The following PLEKHG1 variants were observed in gnomAD, a reference collection of about 807,000 sequenced individuals.
PLEKHG1 encodes pleckstrin homology domain-containing family G member 1.
In PLEKHG1, 44 loss-of-function variants were observed where a neutral mutation model predicts 100.8. That is an observed-to-expected ratio of 0.44 (90% CI 0.34 to 0.56). The LOEUF (loss-of-function observed/expected upper bound fraction) is 0.56. Ranked by LOEUF, PLEKHG1 falls within the 20% of genes least tolerant of loss-of-function variation. The pLI is 0.01. For missense variants in PLEKHG1, 1,545 were observed against 1,720.9 expected (o/e 0.90, Z 1.81); for synonymous variants, 640 against 662.5 (o/e 0.97, Z 0.52).
chr6:150,773,982 C>G (rs1185520274), intron 3 of PLEKHG1, among the ~76,000 whole-genome samples: 1 of 152,058 alleles, frequency 6.6e-6, no homozygotes, highest in Non-Finnish European at 1.5e-5. Context: ...TGGACTAGAA[C>G]ATTTTCTCTA....
chr6:150,692,901 T>TAGCATAAGCAAAGGCAC (rs1780396839), intron 3 of PLEKHG1, among the ~76,000 whole-genome samples: 1 of 152,202 alleles, frequency 6.6e-6, no homozygotes, highest in African/African-American at 2.4e-5. Context: ...GGGCAGGCGT[T>TAGCATAAGCAAAGGCAC]AGCATAAGCA....
chr6:150,769,348 G>A (rs541567692), intron 3 of PLEKHG1, among the ~76,000 whole-genome samples: 1 of 152,036 alleles, frequency 6.6e-6, no homozygotes. Flanking sequence ...TTGGTAGGCC[G>A]AGGTGGACAG....
At chr6:150,716,035 G>A (rs1011466992) in intron 3 of PLEKHG1, among the ~76,000 whole-genome samples, 1 of 149,352 alleles carries the variant, frequency 6.7e-6, no homozygotes, top group East Asian at 2.0e-4. Flanking sequence ...GTGAACCCGG[G>A]AGGCGGAGCT....
intron 2 of PLEKHG1, among the ~76,000 whole-genome samples, chr6:150,767,389 T>C (rs992810133): frequency 2.6e-5 from 4 of 152,210 alleles, no homozygotes; most frequent in Non-Finnish European, 5.9e-5. Flanking sequence ...AGAAAAGTTG[T>C]TACCACAAAG....
chr6:150,810,425 A>AATTTTGT (rs983783780), intron 10 of PLEKHG1, among the ~76,000 whole-genome samples: 4 of 151,280 alleles, frequency 2.6e-5, no homozygotes, highest in Non-Finnish European at 4.4e-5. Flanking sequence ...CACCTGGCTA[A>AATTTTGT]ATTTTGTATT....
At chr6:150,716,091 G>A (rs1346663918), upstream of PLEKHG1, among the ~76,000 whole-genome samples, 5 of 122,064 alleles carry the variant, frequency 4.1e-5, no homozygotes, top group African/African-American at 9.5e-5. Flanking sequence ...CTGGGCGACA[G>A]AGCGAGACTC....
At position 150,831,705 on chromosome 6, in the gene PLEKHG1, A is replaced by G; in HGVS notation, c.2594A>G (p.Lys865Arg). ...CTCCTGGCAGCGTTTCCTGTGAGCA[A>G]GGATGATGTGCCAGACAGGCTGCAC... Residue 865 changes from lysine to arginine, a missense_variant, in exon 15 of 16, where the codon AAG (lysine) becomes AGG (arginine). By Grantham distance (26) the Lys-to-Arg change is conservative. Coordinates refer to ENST00000358517, the Ensembl canonical transcript of PLEKHG1. The surrounding 1 kb of genome is among the most constrained non-coding windows in gnomAD (Gnocchi z 4.1). 1 of 1,613,242 alleles carries G rather than the reference A, an allele frequency of 6.2e-7. No homozygotes were observed. Among genetic ancestry groups the G allele is most frequent in the Non-Finnish European group, 8.5e-7 (1 of 1,180,038 alleles).
chr6:150,661,747 T>C (rs1049529849), intron 3 of PLEKHG1, among the ~76,000 whole-genome samples: 25 of 152,336 alleles, frequency 1.6e-4, no homozygotes, highest in African/African-American at 5.5e-4. Flanking sequence ...TGTGAAACTA[T>C]AGTGATATGG....
At chr6:150,832,060 C>T (rs1476756586) in exon 15 of PLEKHG1, 1 of 1,614,130 alleles carries the variant, frequency 6.2e-7, no homozygotes, top group Non-Finnish European at 8.5e-7. Flanking sequence ...CTCGGCAGTA[C>T]AGTCAGAAGA....
intron 3 of PLEKHG1, among the ~76,000 whole-genome samples, chr6:150,703,085 A>G (rs1780864150): frequency 1.3e-5 from 2 of 152,176 alleles, no homozygotes; most frequent in South Asian, 4.1e-4. Flanking sequence ...AAAATGGCCA[A>G]GGTACTTGGA....
intron 10 of PLEKHG1, among the ~76,000 whole-genome samples, chr6:150,813,247 T>G (rs541641694): frequency 3.9e-4 from 59 of 150,216 alleles, no homozygotes; most frequent in Admixed American, 6.0e-4. Flanking sequence ...GGAGCTTGCA[T>G]TGAGCCGAGA....
At chr6:150,842,024 GCTGA>G (rs1387665923) in exon 16 of PLEKHG1, 2 of 152,140 alleles carry the variant, frequency 1.3e-5, no homozygotes, top group Non-Finnish European at 2.9e-5. Flanking sequence ...GTTACTAGGT[GCTGA>G]CTAATAAATA....
At chr6:150,636,392 A>C (rs1290817765) in intron 1 of PLEKHG1, among the ~76,000 whole-genome samples, 1 of 152,142 alleles carries the variant, frequency 6.6e-6, no homozygotes, top group Non-Finnish European at 1.5e-5. Flanking sequence ...GACGTGGATG[A>C]ACTCTGGTTT....
intron 7 of PLEKHG1, among the ~76,000 whole-genome samples, chr6:150,807,702 C>T (rs544155757): frequency 9.9e-5 from 15 of 152,180 alleles, no homozygotes; most frequent in Admixed American, 2.0e-4. Flanking sequence ...GGCCAGGCGC[C>T]GGGGCTCACA....
In PLEKHG1 at chr6:150,755,439, T is replaced by TA. The variant is rs1783781576; in HGVS notation, c.412-13198dup. Among the ~76,000 whole-genome samples, 3 of 152,294 alleles carry TA rather than the reference T, an allele frequency of 2.0e-5. No individual in the cohort carries two copies. The South Asian group carries it at 6.2e-4, about 32-fold the overall frequency. ...GGGGGGATAATTCTTTATTATGATTTATCAGCATATAGAGTTCATTTACTT... is the reference window on the plus strand; with the variant it reads ...GGGGGGATAATTCTTTATTATGATTTAATCAGCATATAGAGTTCATTTACTT... On this transcript the variant is annotated intron_variant, in intron 2 of 15. Coordinates refer to ENST00000358517, the Ensembl canonical transcript of PLEKHG1.
chr6:150,786,048 C>T (rs1456558973), intron 3 of PLEKHG1, among the ~76,000 whole-genome samples: 1 of 151,738 alleles, frequency 6.6e-6, no homozygotes, highest in African/African-American at 2.4e-5. Context: ...GTTCCTAGTA[C>T]AGGTACACTG....
chr6:150,710,495 A>G (rs1781204787), intron 3 of PLEKHG1, among the ~76,000 whole-genome samples: 1 of 152,164 alleles, frequency 6.6e-6, no homozygotes, highest in Non-Finnish European at 1.5e-5. Context: ...GTTACCGCCC[A>G]AGCAGCTCTG....
In PLEKHG1 at chr6:150,619,158, C is replaced by CATTACAAAA. The variant is rs1290405447; in HGVS notation, c.-203-18922_-203-18921insATTACAAAA. Among the ~76,000 whole-genome samples the CATTACAAAA allele has an allele frequency of 5.2e-3, 790 of 152,244 alleles. 12 individuals are homozygous for CATTACAAAA. Among genetic ancestry groups the CATTACAAAA allele is most frequent in the African/African-American group, 0.018 (753 of 41,548 alleles). On this transcript the variant is annotated intron_variant, in intron 1 of 3. Transcript: ENST00000367326. ...GGACAATTTGACTCAAATGATGGCC[C>CATTACAAAA]TTTCTCAAAATTCAACGAGAGATCC...
intron 2 of PLEKHG1, among the ~76,000 whole-genome samples, chr6:150,748,951 G>T (rs1783335772): frequency 6.6e-6 from 1 of 151,988 alleles, no homozygotes; most frequent in Admixed American, 6.6e-5. Flanking sequence ...TTCCTTCTAT[G>T]ACCTGCAGTT....
Sources: gnomAD v4.1 joint callset for allele counts (sites outside exome capture counted in the v4.1 genomes callset) on GRCh38, gnomAD v4.1.1 for gene constraint, Gnocchi (gnomAD v3.1) non-coding constraint, MANE v1.5 for transcripts, NCBI Gene and HGNC (gene_info 2026-07-23, HGNC 2026-07-21) for gene names.